Variants in SORCS1 observed in about 807,000 individuals in gnomAD.
SORCS1 encodes the protein VPS10 domain-containing receptor SorCS1.
A neutral mutation model predicts 146.1 loss-of-function variants in SORCS1; 60 were observed. The observed-to-expected ratio is 0.41, with a 90% CI of 0.33 to 0.51. The LOEUF (loss-of-function observed/expected upper bound fraction) is 0.51. Among genes scored for constraint, SORCS1 ranks in the 20% least tolerant of loss-of-function variants. The pLI is 0.21. For synonymous variants in SORCS1, 637 were observed against 584.0 expected (o/e 1.09, Z -1.31); for missense variants, 1,352 against 1,487.6 (o/e 0.91, Z 1.50).
chr10:107,024,173 C>CAAA (rs60404386), intron 1 of SORCS1, among the ~76,000 whole-genome samples: 4 of 94,526 alleles, frequency 4.2e-5, no homozygotes, highest in African/African-American at 7.1e-5. Context: ...GATTCCATCT[C>CAAA]AAAAAAAAAA....
chr10:106,744,249 C>T (rs186435979), intron 5 of SORCS1, among the ~76,000 whole-genome samples: 32 of 152,254 alleles, frequency 2.1e-4, no homozygotes, highest in African/African-American at 7.0e-4. Context: ...GGACTACAGG[C>T]GCCCGCCACC....
rs558200979 is a variant in SORCS1, at chr10:106,804,018, A to G, written c.726+25556T>C. ...TATGGGGCCAATTTGTGGGGATAGC[A>G]TCTGAAAAAGAAAGGAATTTCCAAA... On this transcript the variant is annotated intron_variant, in intron 3 of 25. Transcript: ENST00000263054. Among the ~76,000 whole-genome samples the G allele has an allele frequency of 2.0e-5, 3 of 152,314 alleles. No homozygotes were observed. In the South Asian group the frequency reaches 6.2e-4, roughly 32 times the overall value.
At chr10:107,170,882 G>T in the SORCS1 span, among the ~76,000 whole-genome samples, 1 of 152,186 alleles carries the variant, frequency 6.6e-6, no homozygotes, top group Non-Finnish European at 1.5e-5. Flanking sequence ...GTGCTGAGAG[G>T]CAGTACAGTG....
At position 107,084,534 on chromosome 10, in the gene SORCS1, G is replaced by A. The variant is rs533300585; in HGVS notation, c.558+79435C>T. 3.3e-5 allele frequency among the ~76,000 whole-genome samples: 5 copies of A among 151,958 alleles called. No homozygotes were observed. The South Asian group carries it at 8.3e-4, about 25-fold the overall frequency. The stretch of plus-strand genomic sequence containing the variant: ...GTATATGTATGGGAAGAGAAAAGAG[G>A]GGAGAGAGAAGAGAGATTACTGAAT... On this transcript the variant is annotated intron_variant, in intron 1 of 25. Coordinates refer to ENST00000263054, the MANE Select transcript of SORCS1 (RefSeq NM_052918.5).
chr10:106,679,389 C>T lies in SORCS1; in HGVS notation c.1664-57G>A, dbSNP rs1852270059. 27 of 1,400,318 alleles carry T rather than the reference C, an allele frequency of 1.9e-5. 1 individual carries two copies. The South Asian group carries it at 2.8e-4, about 15-fold the overall frequency. 86.7% of individuals were successfully genotyped at this position (1,400,318 alleles called of 1,614,324 possible). A position where few individuals can be genotyped will look rare whatever the true frequency, so the allele number is the denominator to read the frequency against. ...AACTTTCTGCAAAAGCAACAATGGA[C>T]TATATTGGCAGGTGCACTGCCTGAG... On this transcript the variant is annotated intron_variant, in intron 11 of 25. Coordinates refer to ENST00000263054, the MANE Select transcript of SORCS1 (RefSeq NM_052918.5).
intron 2 of SORCS1, among the ~76,000 whole-genome samples, chr10:106,950,100 C>A (rs781579099): frequency 2.6e-5 from 4 of 152,220 alleles, no homozygotes; most frequent in Non-Finnish European, 5.9e-5. Flanking sequence ...AAAGTGAAGA[C>A]AATTTTAAGG....
rs574038571 is a variant in SORCS1, at chr10:106,887,904, T to C, written c.627-58231A>G. Reference sequence around the variant, plus strand: ...CATACAGATACACTCTAACTGAAGATGGAGTGACTACGTAGACAAAGCTGC... The same window carrying C: ...CATACAGATACACTCTAACTGAAGACGGAGTGACTACGTAGACAAAGCTGC... On this transcript the variant is annotated intron_variant, in intron 2 of 25. Transcript: ENST00000263054. Among the ~76,000 whole-genome samples, 121 of 152,356 alleles carry C rather than the reference T, an allele frequency of 7.9e-4. 3 individuals carry two copies. The highest frequency in any genetic ancestry group is 4.3e-4 in the Non-Finnish European group (29 of 68,034).
At chr10:107,105,493 C>CG (rs1965243782) in intron 1 of SORCS1, among the ~76,000 whole-genome samples, 2 of 152,156 alleles carry the variant, frequency 1.3e-5, no homozygotes, top group Admixed American at 6.5e-5. Flanking sequence ...GTCGAGAAGC[C>CG]GACAGTGCAG....
In SORCS1 at chr10:106,909,680, T is replaced by C. The variant is rs58202700; in HGVS notation, c.626+46833A>G. On this transcript the variant is annotated intron_variant, in intron 2 of 25. Coordinates refer to ENST00000263054, the MANE Select transcript of SORCS1 (RefSeq NM_052918.5). ...ACATCCTTCCCAAGAGTTGTGTGCA[T>C]TCTGTGAATGATTAATTTTTTAAAT... Among the ~76,000 whole-genome samples the C allele has an allele frequency of 9.9e-3, 1,509 of 152,312 alleles. 38 individuals carry two copies. The highest frequency in any genetic ancestry group is 0.035 in the African/African-American group (1,452 of 41,558).
chr10:106,865,399 C>T (rs1471099278), intron 2 of SORCS1, among the ~76,000 whole-genome samples: 2 of 152,150 alleles, frequency 1.3e-5, no homozygotes, highest in African/African-American at 4.8e-5. Flanking sequence ...GAGCGGACCC[C>T]CAACATACCA....
chr10:106,812,377 T>C (rs1947508226), intron 3 of SORCS1, among the ~76,000 whole-genome samples: 1 of 152,208 alleles, frequency 6.6e-6, no homozygotes, highest in South Asian at 2.1e-4. Context: ...ATGCATGTCT[T>C]AGAGCTTACA....
chr10:107,126,478 T>C (rs1251470535), intron 1 of SORCS1, among the ~76,000 whole-genome samples: 4 of 152,178 alleles, frequency 2.6e-5, no homozygotes, highest in African/African-American at 2.4e-5. Context: ...CAAATTTTAA[T>C]GAGAAATAAA....
chr10:107,091,029 T>C (rs1964145783), intron 1 of SORCS1, among the ~76,000 whole-genome samples: 1 of 152,084 alleles, frequency 6.6e-6, no homozygotes, highest in Non-Finnish European at 1.5e-5. Flanking sequence ...AAAAGCTCTA[T>C]CTCCATGAGG....
chr10:106,790,215 T>A (rs1946246627), intron 3 of SORCS1, among the ~76,000 whole-genome samples: 1 of 152,184 alleles, frequency 6.6e-6, no homozygotes, highest in Non-Finnish European at 1.5e-5. Context: ...TTGTTCTAGG[T>A]CCTGATGCTC....
At chr10:106,914,614 T>A (rs997277375) in intron 2 of SORCS1, among the ~76,000 whole-genome samples, 1 of 152,232 alleles carries the variant, frequency 6.6e-6, no homozygotes. Flanking sequence ...TTATCCTCTC[T>A]GGACCTCAAT....
upstream of SORCS1, among the ~76,000 whole-genome samples, chr10:107,165,382 T>A (rs1180921579): frequency 6.6e-6 from 1 of 151,714 alleles, no homozygotes; most frequent in African/African-American, 2.4e-5. This position sits in a 1 kb window ranked among gnomAD's most constrained non-coding sequence, Gnocchi z 4.0. Context: ...CCTAACCTCC[T>A]AAAGCATTCA....
At chr10:107,140,606 G>T (rs920133299) in intron 1 of SORCS1, among the ~76,000 whole-genome samples, 2 of 152,124 alleles carry the variant, frequency 1.3e-5, no homozygotes, top group Non-Finnish European at 2.9e-5. Flanking sequence ...AAGGCCAGCT[G>T]TCTTACCAAC....
At chr10:106,725,196 G>T (rs1357316084) in intron 6 of SORCS1, among the ~76,000 whole-genome samples, 1 of 151,992 alleles carries the variant, frequency 6.6e-6, no homozygotes, top group Non-Finnish European at 1.5e-5. Flanking sequence ...AGTATATTTG[G>T]CATATACTCT....
chr10:106,895,113 C>T (rs938175592), intron 2 of SORCS1, among the ~76,000 whole-genome samples: 8 of 152,136 alleles, frequency 5.3e-5, no homozygotes, highest in African/African-American at 9.7e-5. Context: ...GCTAAGACCT[C>T]ACAGTTAGAT....
Sources: allele counts gnomAD v4.1 joint callset (sites outside exome capture counted in the v4.1 genomes callset), GRCh38; gene constraint gnomAD v4.1.1; non-coding constraint Gnocchi (gnomAD v3.1); transcripts MANE v1.5; gene names NCBI Gene and HGNC (gene_info 2026-07-23, HGNC 2026-07-21).